GRAMD1B: variants seen among roughly 807,000 people sequenced by gnomAD.
GRAMD1B encodes GRAM domain containing 1B.
Under a neutral mutation model 99.7 loss-of-function variants are expected in GRAMD1B, and 37 were observed. That is an observed-to-expected ratio of 0.37 (90% CI 0.29 to 0.49). The LOEUF (loss-of-function observed/expected upper bound fraction) is 0.49. Among genes scored for constraint, GRAMD1B ranks in the 20% least tolerant of loss-of-function variants. The pLI is 0.98. For synonymous variants in GRAMD1B, 427 were observed against 387.6 expected (o/e 1.10, Z -1.19); for missense variants, 888 against 1,009.2 (o/e 0.88, Z 1.63).
At chr11:123,439,262 G>A (rs758996657) in intron 1 of GRAMD1B, among the ~76,000 whole-genome samples, 36 of 152,234 alleles carry the variant, frequency 2.4e-4, no homozygotes, top group Admixed American at 2.1e-3. Flanking sequence ...ACAGAAAATC[G>A]AATGTGGGTT....
Position 123,497,451 on chromosome 11 carries a change from G to A in GRAMD1B, c.452+16558G>A, listed in dbSNP as rs552895848. Among the ~76,000 whole-genome samples, 6 of 152,252 alleles carry A rather than the reference G, an allele frequency of 3.9e-5. No individual in the cohort carries two copies. In the South Asian group the frequency reaches 1.2e-3, roughly 32 times the overall value. On this transcript the variant is annotated intron_variant, in intron 2 of 19. Transcript: ENST00000635736. ...ATGTAAGTTCACTCAAGATCCTAGG[G>A]CTCTACAATCAGCTGGTGACAAAGC... is the stretch of plus-strand genomic sequence containing the variant.
intron 1 of GRAMD1B, among the ~76,000 whole-genome samples, chr11:123,461,190 T>C (rs1213838063): frequency 6.6e-6 from 1 of 152,208 alleles, no homozygotes; most frequent in Non-Finnish European, 1.5e-5. Flanking sequence ...GGGCTGCTTC[T>C]AAAATGTTCT....
At chr11:123,419,902 T>C (rs1020484574) in intron 1 of GRAMD1B, among the ~76,000 whole-genome samples, 3 of 152,108 alleles carry the variant, frequency 2.0e-5, no homozygotes, top group Admixed American at 2.0e-4. Context: ...GATTTTATTA[T>C]GGTGGGAATG....
At chr11:123,468,256 T>C (rs1031054261) in intron 1 of GRAMD1B, among the ~76,000 whole-genome samples, 1 of 151,064 alleles carries the variant, frequency 6.6e-6, no homozygotes, top group Admixed American at 6.6e-5. Flanking sequence ...GGCGTCTTTC[T>C]GGGCAGACCA....
At chr11:123,505,592 T>C (rs532496839) in intron 2 of GRAMD1B, among the ~76,000 whole-genome samples, 2 of 152,286 alleles carry the variant, frequency 1.3e-5, no homozygotes, top group South Asian at 4.1e-4. Flanking sequence ...GCCTATGACT[T>C]GAATAATATT....
chr11:123,376,965 A>G (rs923791118), intron 1 of GRAMD1B, among the ~76,000 whole-genome samples: 1 of 152,234 alleles, frequency 6.6e-6, no homozygotes, highest in Non-Finnish European at 1.5e-5. Context: ...AGTTCTGCCA[A>G]TCTTAAACCC....
At chr11:123,584,128 C>T (rs1211662606) in intron 3 of GRAMD1B, among the ~76,000 whole-genome samples, 184 bp from the exon 4 acceptor site, 1 of 151,802 alleles carries the variant, frequency 6.6e-6, no homozygotes, top group Non-Finnish European at 1.5e-5. Flanking sequence ...TGCTCCCGGG[C>T]CTCCTTTCTG....
chr11:123,367,453 G>A (rs1333877794), intron 1 of GRAMD1B, among the ~76,000 whole-genome samples: 6 of 152,218 alleles, frequency 3.9e-5, no homozygotes, highest in Non-Finnish European at 8.8e-5. Context: ...TTTGAGCTGG[G>A]TTCTAAAAGG....
chr11:123,419,745 G>GAA lies in GRAMD1B; in HGVS notation c.-176+60946_-176+60947insAA, dbSNP rs1452670354. Among the ~76,000 whole-genome samples the GAA allele has an allele frequency of 6.2e-3, 824 of 132,654 alleles. 1 individual carries two copies. Among genetic ancestry groups the GAA allele is most frequent in the Non-Finnish European group, 7.8e-3 (468 of 60,080 alleles). 87.0% of individuals were successfully genotyped at this position (132,654 alleles called of 152,430 possible). A position where few individuals can be genotyped will look rare whatever the true frequency, so the allele number is the denominator to read the frequency against. On this transcript the variant is annotated intron_variant, in intron 1 of 20. Transcript: ENST00000638157. ...TGTGTGTGTGTGTGTGTGTGTGTGT[G>GAA]TGAATGAGAAAGAGAAAGAGAGAGA...
In GRAMD1B at chr11:123,623,172, G is replaced by A. The variant is rs1156881947; in HGVS notation, c.*577G>A. On this transcript the variant is annotated 3_prime_UTR_variant, in exon 20 of 20. Transcript: ENST00000635736. ...ACCGTACTGAGTGTCAGATGGAGAG[G>A]ATGCTTGGAAAGCTAGGAAGGCTGC... 6.6e-6 allele frequency: 1 copy of A among 152,156 alleles called. No homozygotes were observed. Among genetic ancestry groups the A allele is most frequent in the African/African-American group, 2.4e-5 (1 of 41,406 alleles). The allele number at this position is 152,156 out of a possible 1,614,324, so 9.4% of individuals were successfully genotyped here. A position where few individuals can be genotyped will look rare whatever the true frequency, so the allele number is the denominator to read the frequency against.
intron 1 of GRAMD1B, among the ~76,000 whole-genome samples, chr11:123,470,694 C>T (rs1950976511): frequency 6.6e-6 from 1 of 152,032 alleles, no homozygotes; most frequent in African/African-American, 2.4e-5. Context: ...AGGGCTACCA[C>T]GTTAAGTGCT....
intron 1 of GRAMD1B, 193 bp from the exon 2 acceptor site, chr11:123,480,623 G>T: frequency 2.7e-6 from 1 of 377,086 alleles, no homozygotes; most frequent in Non-Finnish European, 4.7e-6. Context: ...TGTGATGGCT[G>T]GGGATTTTAT....
At position 123,577,439 on chromosome 11, in the gene GRAMD1B, C is replaced by G; in HGVS notation, c.525C>G (p.Thr175=). The G allele has an allele frequency of 6.2e-7, 1 of 1,602,896 alleles. No homozygotes were observed. The highest frequency in any genetic ancestry group is 8.5e-7 in the Non-Finnish European group (1 of 1,175,090). Residue 175 remains threonine, a synonymous_variant, in exon 3 of 20, where the codon ACC becomes ACG. Coordinates refer to ENST00000635736, the MANE Select transcript of GRAMD1B (RefSeq NM_001387025.1). The part of the protein sequence containing the change: ...PILRKRSRSP[T]PQNQDGDTMV... The stretch of plus-strand genomic sequence containing the variant: ...TCCGGAAGCGGTCTCGCTCGCCAAC[C>G]CCGCAGAACCAGGACGGAGACACCA...
intron 1 of GRAMD1B, among the ~76,000 whole-genome samples, chr11:123,480,325 G>A (rs1031901654): frequency 6.6e-6 from 1 of 152,064 alleles, no homozygotes; most frequent in South Asian, 2.1e-4. Context: ...TGGAGAAGCA[G>A]ACTAGGTGAC....
chr11:123,626,800 G>A lies in GRAMD1B; in HGVS notation c.*4205G>A, dbSNP rs1454264000. 6.6e-6 allele frequency: 1 copy of A among 152,250 alleles called. No individual in the cohort carries two copies. Among genetic ancestry groups the A allele is most frequent in the Admixed American group, 6.5e-5 (1 of 15,276 alleles). 9.4% of individuals were successfully genotyped at this position (152,250 alleles called of 1,614,324 possible). A position where few individuals can be genotyped will look rare whatever the true frequency, so the allele number is the denominator to read the frequency against. ...GTTGGCCCCAATCCTCTTCACCTCT[G>A]TGTTTTCTTCTAGAAGATGCATTTT... On this transcript the variant is annotated 3_prime_UTR_variant, in exon 20 of 20. Transcript: ENST00000635736.
intron 2 of GRAMD1B, among the ~76,000 whole-genome samples, chr11:123,502,483 C>T (rs1374495543): frequency 6.6e-6 from 1 of 151,986 alleles, no homozygotes; most frequent in Non-Finnish European, 1.5e-5. Context: ...CCTGGTAAAC[C>T]CATCATAAAT....
intron 2 of GRAMD1B, among the ~76,000 whole-genome samples, chr11:123,536,571 C>T (rs983022974): frequency 2.6e-5 from 4 of 152,082 alleles, no homozygotes; most frequent in African/African-American, 9.7e-5. Context: ...TTAGCTGCCC[C>T]TATATTTTTT....
chr11:123,527,969 G>T (rs1942964881), intron 2 of GRAMD1B, among the ~76,000 whole-genome samples: 1 of 152,082 alleles, frequency 6.6e-6, no homozygotes, highest in Admixed American at 6.5e-5. Context: ...ACTGTAATTG[G>T]GATAATTTTG....
intron 7 of GRAMD1B, chr11:123,599,436 T>C (rs1457281117): frequency 1.6e-6 from 1 of 644,216 alleles, no homozygotes; most frequent in Non-Finnish European, 3.0e-6. Context: ...CTGCTGCTGC[T>C]CCAGTATTGT....
Sources: gnomAD v4.1 joint callset for allele counts (sites outside exome capture counted in the v4.1 genomes callset) on GRCh38, gnomAD v4.1.1 for gene constraint, MANE v1.5 for transcripts, NCBI Gene and HGNC (gene_info 2026-07-23, HGNC 2026-07-21) for gene names.